PARD3: variants seen among roughly 807,000 people sequenced by gnomAD.
PARD3 encodes the protein par-3 family cell polarity regulator.
Under a neutral mutation model 155.4 loss-of-function variants are expected in PARD3, and 75 were observed. The ratio of observed to expected loss-of-function variants is 0.48; its 90% CI spans 0.40 to 0.58. The LOEUF is 0.58. Among genes scored for constraint, PARD3 ranks in the 20% least tolerant of loss-of-function variants. The pLI is 0.00. For missense variants in PARD3, 1,642 were observed against 1,721.7 expected (o/e 0.95, Z 0.82); for synonymous variants, 576 against 610.5 (o/e 0.94, Z 0.83).
chr10:34,220,524 C>T (rs1952224545), intron 22 of PARD3, among the ~76,000 whole-genome samples: 1 of 152,150 alleles, frequency 6.6e-6, no homozygotes, highest in Admixed American at 6.5e-5. Flanking sequence ...GCTGGTGACT[C>T]TTGGCAGAGA....
chr10:34,804,412 T>C (rs1426131686), intron 1 of PARD3, among the ~76,000 whole-genome samples: 1 of 152,216 alleles, frequency 6.6e-6, no homozygotes, highest in Non-Finnish European at 1.5e-5. Flanking sequence ...AATCCTATGT[T>C]CAACATTAAT....
intron 1 of PARD3, among the ~76,000 whole-genome samples, chr10:34,734,315 T>TG (rs1303712565): frequency 7.0e-6 from 1 of 142,818 alleles, no homozygotes; most frequent in African/African-American, 2.6e-5. Flanking sequence ...AACAAATATA[T>TG]GGGGCCCTTT....
At chr10:34,111,706 G>A (rs1946392157) in intron 24 of PARD3, 144 bp from the exon 25 acceptor site, 2 of 685,826 alleles carry the variant, frequency 2.9e-6, no homozygotes, top group East Asian at 2.7e-5. Flanking sequence ...ACTGCGATAG[G>A]GGCTGGAGAA....
chr10:34,244,956 T>C (rs754450040), intron 22 of PARD3, among the ~76,000 whole-genome samples: 2 of 152,172 alleles, frequency 1.3e-5, no homozygotes, highest in African/African-American at 2.4e-5. Flanking sequence ...CAGCCCTATG[T>C]ATGAGACTGT....
intron 5 of PARD3, among the ~76,000 whole-genome samples, chr10:34,403,235 T>C (rs1414283440): frequency 6.6e-6 from 1 of 152,246 alleles, no homozygotes; most frequent in African/African-American, 2.4e-5. Flanking sequence ...AGGTTGATCT[T>C]TTCTATTACA....
At chr10:34,539,310 T>C (rs961285491) in intron 2 of PARD3, among the ~76,000 whole-genome samples, 3 of 152,166 alleles carry the variant, frequency 2.0e-5, no homozygotes, top group African/African-American at 7.2e-5. Flanking sequence ...TATTACCACC[T>C]TCATCATTTA....
intron 2 of PARD3, among the ~76,000 whole-genome samples, chr10:34,665,101 T>TA (rs1031352318): frequency 4.0e-5 from 6 of 151,762 alleles, no homozygotes; most frequent in South Asian, 2.1e-4. Context: ...TTTTTTAAAA[T>TA]AAAAAAAATC....
intron 22 of PARD3, among the ~76,000 whole-genome samples, chr10:34,242,073 C>G (rs1953636752): frequency 6.6e-6 from 1 of 152,172 alleles, no homozygotes; most frequent in South Asian, 2.1e-4. Context: ...GTCAAGTATA[C>G]TCTACTTTCC....
intron 2 of PARD3, among the ~76,000 whole-genome samples, chr10:34,652,383 G>C (rs2476993): frequency 6.9e-4 from 105 of 152,314 alleles, no homozygotes; most frequent in Non-Finnish European, 1.3e-3. Flanking sequence ...GTGTGATGGG[G>C]AGAGGGGTCT....
At chr10:34,809,691 G>C (rs1387626857) in intron 1 of PARD3, among the ~76,000 whole-genome samples, 1 of 152,206 alleles carries the variant, frequency 6.6e-6, no homozygotes, top group Non-Finnish European at 1.5e-5. Context: ...TCAGAAGGCA[G>C]GACTTGGAGA....
intron 22 of PARD3, among the ~76,000 whole-genome samples, chr10:34,199,425 T>G (rs1219329407): frequency 6.6e-6 from 1 of 152,040 alleles, no homozygotes; most frequent in African/African-American, 2.4e-5. Context: ...GGAGCTGGTG[T>G]GAGGACTAAG....
chr10:34,798,361 AAGG>A (rs1367888928), intron 1 of PARD3, among the ~76,000 whole-genome samples: 2 of 151,688 alleles, frequency 1.3e-5, no homozygotes, highest in South Asian at 2.1e-4. Flanking sequence ...GAGAAGGAGA[AAGG>A]AGAAGAAGAA....
intron 22 of PARD3, among the ~76,000 whole-genome samples, chr10:34,183,277 G>C (rs1273433065): frequency 6.6e-6 from 1 of 152,190 alleles, no homozygotes; most frequent in African/African-American, 2.4e-5. Flanking sequence ...GCCCAGACTG[G>C]AGTGCAGCGG....
chr10:34,712,156 C>T (rs1334297512), intron 1 of PARD3, among the ~76,000 whole-genome samples: 2 of 152,144 alleles, frequency 1.3e-5, no homozygotes, highest in Non-Finnish European at 2.9e-5. Context: ...ACTCTAGTCC[C>T]GATGGATCTA....
At chr10:34,612,616 T>A (rs1040615347) in intron 2 of PARD3, among the ~76,000 whole-genome samples, 31 of 152,232 alleles carry the variant, frequency 2.0e-4, no homozygotes, top group Non-Finnish European at 1.5e-4. Context: ...CCTTGATGAT[T>A]AATTTCCTTA....
At chr10:34,611,806 T>C (rs895559746) in intron 2 of PARD3, among the ~76,000 whole-genome samples, 1 of 138,866 alleles carries the variant, frequency 7.2e-6, no homozygotes, top group Non-Finnish European at 1.5e-5. Context: ...TACATTTCTT[T>C]CTTTTTTTTT....
In PARD3 at chr10:34,111,249, C is replaced by A; in HGVS notation, c.3982G>T (p.Asp1328Tyr). 2 of 1,612,800 alleles carry A rather than the reference C, an allele frequency of 1.2e-6. No homozygotes were observed. The highest frequency in any genetic ancestry group is 1.7e-6 in the Non-Finnish European group (2 of 1,178,946). The part of the protein sequence containing the change: ...YAPPKGPFRQ[D>Y]VPPSPSQVAR... ...ACCTGAGAAGGGGAGGGGGGCACAT[C>A]TTGCCGGAAGGGCCCCTTGGGAGGG... The change falls in exon 25 of 25, where the codon GAT (aspartate) becomes TAT (tyrosine). Residue 1328 changes from aspartate (D) to tyrosine (Y), a missense_variant. Coordinates refer to ENST00000374788, the MANE Select transcript of PARD3 (RefSeq NM_001184785.2).
At chr10:34,513,647 C>G (rs1352797621) in intron 3 of PARD3, among the ~76,000 whole-genome samples, 1 of 152,140 alleles carries the variant, frequency 6.6e-6, no homozygotes, top group Non-Finnish European at 1.5e-5. Flanking sequence ...TGTTTGTCTT[C>G]TAGTTTAAGA....
At chr10:34,235,694 A>G (rs533054926) in intron 22 of PARD3, among the ~76,000 whole-genome samples, 1 of 152,334 alleles carries the variant, frequency 6.6e-6, no homozygotes, top group Admixed American at 6.5e-5. Context: ...GACTAATGAT[A>G]TCCACTTGTG....
Sources: allele counts gnomAD v4.1 joint callset (sites outside exome capture counted in the v4.1 genomes callset), GRCh38; gene constraint gnomAD v4.1.1; transcripts MANE v1.5; gene names NCBI Gene and HGNC (gene_info 2026-07-23, HGNC 2026-07-21).